Variants in SAG observed in about 807,000 individuals in gnomAD.
SAG encodes S-antigen visual arrestin.
Under a neutral mutation model 55.0 loss-of-function variants are expected in SAG, and 45 were observed. That is an observed-to-expected ratio of 0.82 (90% confidence interval 0.64 to 1.05). The LOEUF is 1.05. SAG is among the 50% of genes least tolerant of loss of function. The pLI is 0.00. For synonymous variants in SAG, 189 were observed against 197.4 expected, an observed-to-expected ratio of 0.96 and a Z score of 0.36; for missense variants, 455 against 512.1, an observed-to-expected ratio of 0.89 and a Z score of 1.08.
chr2:233,313,559 A>G (rs1401182711), intron 2 of SAG, among the ~76,000 whole-genome samples: 1 of 151,818 alleles, frequency 6.6e-6, no homozygotes, highest in East Asian at 1.9e-4. Flanking sequence ...AGACCAGTGA[A>G]GATCTCTTTA....
intron 8 of SAG, chr2:233,328,850 G>A: frequency 2.2e-6 from 1 of 454,056 alleles, no homozygotes; most frequent in East Asian, 3.5e-5. Flanking sequence ...GCTGTCCCGA[G>A]GGACTGGGGA....
At chr2:233,325,088 T>TG (rs1329062246) in intron 6 of SAG, among the ~76,000 whole-genome samples, 2 of 151,204 alleles carry the variant, frequency 1.3e-5, no homozygotes, top group African/African-American at 4.9e-5. Context: ...TAGCCAGGCA[T>TG]GGTGGCGCGT....
intron 12 of SAG, among the ~76,000 whole-genome samples, chr2:233,339,696 T>C (rs1272854310): frequency 2.1e-4 from 17 of 80,228 alleles, no homozygotes; most frequent in African/African-American, 9.4e-4. Flanking sequence ...TTTTTTGAGA[T>C]GTAATCTCTC....
intron 9 of SAG, among the ~76,000 whole-genome samples, chr2:233,330,635 A>G (rs1241775627): frequency 1.1e-4 from 17 of 151,568 alleles, no homozygotes; most frequent in Non-Finnish European, 2.5e-4. Context: ...GGTTCAAGCC[A>G]TTCTCCTGCC....
Position 233,320,681 on chromosome 2 carries a change from T to G in SAG, c.233T>G (p.Val78Gly). The stretch of plus-strand genomic sequence containing the variant: ...CGCTATGGCCAAGAGGACATTGACG[T>G]GATCGGCTTGACCTTCCGCAGGGAC... Reference protein sequence around the residue: ...AFRYGQEDIDVIGLTFRRDLY... With the variant: ...AFRYGQEDIDGIGLTFRRDLY... Residue 78 changes from valine (V) to glycine (G), a missense_variant, in exon 5 of 16, where the codon GTG becomes GGG. Transcript: ENST00000409110. 1 of 1,606,876 alleles carries G rather than the reference T, an allele frequency of 6.2e-7. No individual in the cohort carries two copies. The highest frequency in any genetic ancestry group is 8.5e-7 in the Non-Finnish European group (1 of 1,176,754).
rs1436278880 is a variant in SAG at position 233,334,984 on chromosome 2, A to T, written c.829A>T (p.Thr277Ser). Residue 277 changes from threonine (T) to serine (S), a missense_variant, in exon 11 of 16, where the codon ACT (threonine) becomes TCT (serine). By Grantham distance (58) the Thr-to-Ser change is moderately conservative (BLOSUM62 1). Coordinates refer to ENST00000409110, the MANE Select transcript of SAG (RefSeq NM_000541.5). ...EAQEKVPPNS[T>S]LTKTLTLLPL... ...TAGAGAAAAAGTGCCACCAAACAGC[A>T]CTTTGACCAAGACGCTGACGCTGCT... The T allele has an allele frequency of 6.2e-7, 1 of 1,613,892 alleles. No homozygotes were observed. Among genetic ancestry groups the T allele is most frequent in the Non-Finnish European group, 8.5e-7 (1 of 1,179,886 alleles).
At chr2:233,343,476 T>C (rs886879156) in intron 14 of SAG, 1 of 235,174 alleles carries the variant, frequency 4.3e-6, no homozygotes, top group Non-Finnish European at 8.6e-6. Context: ...CCTCAGCTCA[T>C]TTGAATTATA....
intron 1 of SAG, among the ~76,000 whole-genome samples, chr2:233,308,333 G>A (rs1430693041): frequency 1.3e-5 from 2 of 152,094 alleles, no homozygotes; most frequent in African/African-American, 4.8e-5. Context: ...GCTAGGCATG[G>A]TGTCACACAC....
chr2:233,311,468 T>C (rs781076377), intron 2 of SAG, among the ~76,000 whole-genome samples: 29 of 152,238 alleles, frequency 1.9e-4, no homozygotes, highest in Non-Finnish European at 4.0e-4. Flanking sequence ...AAGAATTAGA[T>C]GATCGTAGTG....
chr2:233,329,327 G>A, intron 8 of SAG, 166 bp from the exon 9 acceptor site: 1 of 603,840 alleles, frequency 1.7e-6, no homozygotes, highest in Non-Finnish European at 3.0e-6. Flanking sequence ...GGTGGAATGT[G>A]TTTCAGGCCC....
At chr2:233,331,272 C>T (rs1019540338) in intron 9 of SAG, among the ~76,000 whole-genome samples, 1 of 152,202 alleles carries the variant, frequency 6.6e-6, no homozygotes, top group African/African-American at 2.4e-5. Flanking sequence ...CCACGTTCCA[C>T]CCACCAACCA....
At chr2:233,335,293 C>T (rs969236485) in intron 11 of SAG, among the ~76,000 whole-genome samples, 194 bp downstream of exon 11, 6 of 152,244 alleles carry the variant, frequency 3.9e-5, no homozygotes, top group Admixed American at 2.6e-4. Context: ...GGGGGTTACA[C>T]CCATGGGCCT....
At chr2:233,314,252 C>A (rs529067449) in intron 2 of SAG, among the ~76,000 whole-genome samples, 1 of 151,846 alleles carries the variant, frequency 6.6e-6, no homozygotes, top group East Asian at 1.9e-4. Context: ...AGAAAGAGCT[C>A]CATGCGCCAC....
Position 233,309,147 on chromosome 2 carries a change from G to T in SAG, c.-28-15G>T, listed in dbSNP as rs765031964. Reference sequence around the variant, plus strand: ...ACCTTTCTCCAACCCTCTAACACCTGACCAACACCCCAAGGTGGTAGAAGT... The same window carrying T: ...ACCTTTCTCCAACCCTCTAACACCTTACCAACACCCCAAGGTGGTAGAAGT... On this transcript the variant is annotated splice_polypyrimidine_tract_variant and intron_variant, in intron 1 of 15. Transcript: ENST00000409110. 1 of 1,538,476 alleles carries T rather than the reference G, an allele frequency of 6.5e-7. No individual in the cohort carries two copies. The highest frequency in any genetic ancestry group is 9.0e-7 in the Non-Finnish European group (1 of 1,113,542).
In SAG at chr2:233,309,140, AACACCTG is replaced by A; in HGVS notation, c.-28-19_-28-13del. The A allele has an allele frequency of 6.8e-7, 1 of 1,475,880 alleles. No homozygotes were observed. Among genetic ancestry groups the A allele is most frequent in the Non-Finnish European group, 9.5e-7 (1 of 1,057,756 alleles). 91.4% of individuals were successfully genotyped at this position (1,475,880 alleles called of 1,614,324 possible). ...TTGTCTTACCTTTCTCCAACCCTCT[AACACCTG>A]ACCAACACCCCAAGGTGGTAGAAGT... On this transcript the variant is annotated splice_polypyrimidine_tract_variant and intron_variant, in intron 1 of 15. Coordinates refer to ENST00000409110, the MANE Select transcript of SAG (RefSeq NM_000541.5).
chr2:233,338,690 TAGACCGGAC>T lies in SAG; in HGVS notation c.960_968del (p.Asp321_Thr323del), dbSNP rs1559452546. Reference sequence around the variant, plus strand: ...TGTTTGGGCAGCATTAAGGAGGGCATAGACCGGACCGTCCTGGGAATCCTGGTGTCTTAC... The same window carrying T: ...TGTTTGGGCAGCATTAAGGAGGGCATCGTCCTGGGAATCCTGGTGTCTTAC... On this transcript the variant is annotated inframe_deletion, in exon 12 of 16. Transcript: ENST00000409110. The T allele has an allele frequency of 6.2e-7, 1 of 1,613,782 alleles. No individual in the cohort carries two copies. Among genetic ancestry groups the T allele is most frequent in the East Asian group, 2.2e-5 (1 of 44,884 alleles).
intron 2 of SAG, among the ~76,000 whole-genome samples, chr2:233,315,206 C>T (rs944210039): frequency 6.6e-5 from 10 of 151,212 alleles, no homozygotes; most frequent in Admixed American, 1.3e-4. Context: ...TTTAGGTCTA[C>T]CTGTGCAGTA....
intron 8 of SAG, chr2:233,329,059 G>T: frequency 4.2e-6 from 1 of 236,070 alleles, no homozygotes; most frequent in Non-Finnish European, 8.3e-6. Context: ...GTCATGGTGG[G>T]AAAAGGTGAG....
At chr2:233,331,830 T>G (rs1260390518) in intron 10 of SAG, 118 bp downstream of exon 10, 1 of 756,564 alleles carries the variant, frequency 1.3e-6, no homozygotes, top group African/African-American at 1.7e-5. Flanking sequence ...GCCTTCCACT[T>G]CCTTCCTCTT....
Sources: allele counts gnomAD v4.1 joint callset (sites outside exome capture counted in the v4.1 genomes callset), GRCh38; gene constraint gnomAD v4.1.1; transcripts MANE v1.5; gene names NCBI Gene and HGNC (gene_info 2026-07-23, HGNC 2026-07-21).